Variants in NEXMIF observed in about 807,000 individuals in gnomAD.
NEXMIF encodes neurite extension and migration factor.
NEXMIF carries 8 observed loss-of-function variants against 62.1 expected under a neutral mutation model. The observed-to-expected ratio is 0.13, with a 90% confidence interval of 0.08 to 0.23. The LOEUF is 0.23. NEXMIF is among the 10% of genes least tolerant of loss of function. NEXMIF has a pLI of 1.00. For missense variants in NEXMIF, 976 were observed against 1,113.3 expected (o/e 0.88, Z 1.75); for synonymous variants, 404 against 416.6 (o/e 0.97, Z 0.37).
At chrX:74,835,111 C>T (rs1043068462) in intron 1 of NEXMIF, among the ~76,000 whole-genome samples, 3 of 111,871 alleles carry the variant, frequency 2.7e-5, no homozygotes, top group Admixed American at 9.5e-5. Context: ...TTCTTCAGTA[C>T]GTCAATTTCA....
chrX:74,823,263 T>C (rs1723519242), intron 1 of NEXMIF, among the ~76,000 whole-genome samples: 1 of 111,898 alleles, frequency 8.9e-6, no homozygotes. Flanking sequence ...TAAAATTAGA[T>C]TGTGGTGATG....
At chrX:74,791,371 C>G (rs1267984575) in intron 1 of NEXMIF, among the ~76,000 whole-genome samples, 1 of 111,274 alleles carries the variant, frequency 9.0e-6, no homozygotes, top group African/African-American at 3.3e-5. Context: ...CTGCTGGATT[C>G]GGTTTGCCAG....
Position 74,759,297 on chromosome X carries a change from G to A in NEXMIF, c.-47-13600C>T, listed in dbSNP as rs181204848. Among the ~76,000 whole-genome samples, 361 of 112,002 alleles carry A rather than the reference G, an allele frequency of 3.2e-3. 2 individuals carry two copies. Among genetic ancestry groups the A allele is most frequent in the African/African-American group, 0.011 (345 of 30,852 alleles). ...AGATGCTGGATATTAGACCTTTGTC[G>A]AATGCATAGTTTGTAAAAATTTTCT... is the stretch of plus-strand genomic sequence containing the variant. On this transcript the variant is annotated intron_variant, in intron 1 of 3. Transcript: ENST00000055682.
At chrX:74,847,703 C>T (rs2080497026) in intron 1 of NEXMIF, among the ~76,000 whole-genome samples, 1 of 111,611 alleles carries the variant, frequency 9.0e-6, no homozygotes, top group African/African-American at 3.3e-5. Flanking sequence ...TTATAAGGGC[C>T]TGTTGGCAAG....
At chrX:74,791,194 T>G (rs2080281113) in intron 1 of NEXMIF, among the ~76,000 whole-genome samples, 1 of 111,946 alleles carries the variant, frequency 8.9e-6, no homozygotes, top group Non-Finnish European at 1.9e-5. Flanking sequence ...GAATGGTTGT[T>G]GAATTTTGTC....
intron 1 of NEXMIF, among the ~76,000 whole-genome samples, chrX:74,876,758 T>A (rs1437674140): frequency 3.9e-5 from 4 of 101,412 alleles, no homozygotes; most frequent in Non-Finnish European, 8.0e-5. Context: ...GCCTTCTTTG[T>A]CTCTTTTGAT....
Position 74,763,197 on chromosome X carries a change from A to T in NEXMIF, c.-47-17500T>A, listed in dbSNP as rs758920421. 2.4e-3 allele frequency among the ~76,000 whole-genome samples: 274 copies of T among 111,868 alleles called. 1 individual carries two copies. Among genetic ancestry groups the T allele is most frequent in the East Asian group, 0.015 (52 of 3,573 alleles). On this transcript the variant is annotated intron_variant, in intron 1 of 3. Coordinates refer to ENST00000055682, the MANE Select transcript of NEXMIF (RefSeq NM_001008537.3). ...GCTTTCTACATATGGCTAGCCAGTTATTCCAGCACCATTTATTAAATAGGG... is the reference window on the plus strand; with the variant it reads ...GCTTTCTACATATGGCTAGCCAGTTTTTCCAGCACCATTTATTAAATAGGG...
intron 1 of NEXMIF, among the ~76,000 whole-genome samples, chrX:74,923,164 G>A (rs935618778): frequency 9.0e-6 from 1 of 111,584 alleles, no homozygotes; most frequent in South Asian, 3.8e-4. Flanking sequence ...GCTCATTTTT[G>A]ACCTCCCAGG....
chrX:74,799,063 C>T (rs1164736009), intron 1 of NEXMIF, among the ~76,000 whole-genome samples: 2 of 110,815 alleles, frequency 1.8e-5, no homozygotes, highest in Admixed American at 1.9e-4. Flanking sequence ...GGGGGTCTTG[C>T]CATGTTGCCT....
chrX:74,832,617 C>T (rs1051210526), intron 1 of NEXMIF, among the ~76,000 whole-genome samples: 3 of 111,627 alleles, frequency 2.7e-5, no homozygotes, highest in Non-Finnish European at 5.7e-5. Flanking sequence ...TCTTCATTTT[C>T]ATTTATCTTT....
At position 74,821,370 on chromosome X, in the gene NEXMIF, G is replaced by GA. The variant is rs757612776; in HGVS notation, c.-47-75674dup. 9.3e-4 allele frequency among the ~76,000 whole-genome samples: 104 copies of GA among 111,735 alleles called. 1 individual carries two copies. Among genetic ancestry groups the GA allele is most frequent in the African/African-American group, 3.2e-3 (99 of 30,822 alleles). ...TTGTCCCTGTGGAGGTTTTATGAGG[G>GA]AAAAAAATCACAAAAACCTATAACT... On this transcript the variant is annotated intron_variant, in intron 1 of 3. Coordinates refer to ENST00000055682, the MANE Select transcript of NEXMIF (RefSeq NM_001008537.3).
intron 1 of NEXMIF, among the ~76,000 whole-genome samples, chrX:74,903,290 T>A (rs2080754458): frequency 2.0e-5 from 2 of 100,362 alleles, no homozygotes; most frequent in Non-Finnish European, 4.0e-5. Flanking sequence ...ACCTTGAACA[T>A]TCCCAGTCCT....
intron 1 of NEXMIF, among the ~76,000 whole-genome samples, chrX:74,796,155 AT>A (rs1940508640): frequency 5.7e-5 from 3 of 52,254 alleles, no homozygotes; most frequent in South Asian, 7.7e-4. Context: ...ATATATATAC[AT>A]ATATATTATA....
intron 1 of NEXMIF, among the ~76,000 whole-genome samples, chrX:74,916,612 C>T (rs2080807943): frequency 9.0e-6 from 1 of 111,694 alleles, no homozygotes; most frequent in Admixed American, 9.5e-5. Flanking sequence ...AGAGAATTCA[C>T]CAGCAAGAAG....
intron 1 of NEXMIF, among the ~76,000 whole-genome samples, chrX:74,777,866 T>G (rs751183102): frequency 8.1e-5 from 9 of 110,984 alleles, no homozygotes; most frequent in Non-Finnish European, 1.3e-4. Context: ...AGAAACCAGC[T>G]CCCAAAAAGC....
chrX:74,866,463 G>T (rs780524546), intron 1 of NEXMIF, among the ~76,000 whole-genome samples: 2 of 112,085 alleles, frequency 1.8e-5, no homozygotes, highest in East Asian at 2.8e-4. Flanking sequence ...TTTGGACTGT[G>T]AATTTTAAGT....
rs1490184906 is a variant in NEXMIF, at chrX:74,924,246, GA to G, written c.-48+636del. On this transcript the variant is annotated intron_variant, in intron 1 of 3. Coordinates refer to ENST00000055682, the MANE Select transcript of NEXMIF (RefSeq NM_001008537.3). Reference sequence around the variant, plus strand: ...AGAGAGAAGCGCCAGAAGCCACACAGAAAAGCGTCAATTCGACCGCCACCGA... The same window carrying G: ...AGAGAGAAGCGCCAGAAGCCACACAGAAAGCGTCAATTCGACCGCCACCGA... Among the ~76,000 whole-genome samples the G allele has an allele frequency of 9.9e-5, 11 of 111,426 alleles. No homozygotes were observed. The Admixed American group carries it at 1.0e-3, about 10-fold the overall frequency.
chrX:74,894,146 A>T (rs1207541223), intron 1 of NEXMIF, among the ~76,000 whole-genome samples: 3 of 109,844 alleles, frequency 2.7e-5, no homozygotes, highest in African/African-American at 1.0e-4. Flanking sequence ...ACAAAAAAAA[A>T]AATATATCTG....
At chrX:74,882,652 C>A (rs1222333102) in intron 1 of NEXMIF, among the ~76,000 whole-genome samples, 1 of 112,162 alleles carries the variant, frequency 8.9e-6, no homozygotes, top group Non-Finnish European at 1.9e-5. Flanking sequence ...GTCCAGGAAG[C>A]TCGAACTGGG....
Sources: gnomAD v4.1 joint callset for allele counts (sites outside exome capture counted in the v4.1 genomes callset) on GRCh38, gnomAD v4.1.1 for gene constraint, MANE v1.5 for transcripts, NCBI Gene and HGNC (gene_info 2026-07-23, HGNC 2026-07-21) for gene names.